The following ZNF616 variants were observed in gnomAD, a reference collection of about 807,000 sequenced individuals.
ZNF616 encodes zinc finger protein 616.
ZNF616 carries 5 observed loss-of-function variants against 7.6 expected under a neutral mutation model. That is an observed-to-expected ratio of 0.66 (90% CI 0.34 to 1.38). The LOEUF is 1.38. ZNF616 is among the 40% of genes most tolerant of loss of function. The pLI is 0.04. For synonymous variants in ZNF616, 319 were observed against 317.2 expected (o/e 1.01, Z -0.06); for missense variants, 913 against 948.3 (o/e 0.96, Z 0.49).
chr19:52,129,949 A>AT (rs1300176688), intron 2 of ZNF616, among the ~76,000 whole-genome samples: 7 of 151,964 alleles, frequency 4.6e-5, no homozygotes, highest in Non-Finnish European at 1.0e-4. Flanking sequence ...TGACTGGCTA[A>AT]TTTTTGTATT....
chr19:52,125,894 T>C (rs2088902701), intron 2 of ZNF616, among the ~76,000 whole-genome samples: 1 of 152,146 alleles, frequency 6.6e-6, no homozygotes, highest in Admixed American at 6.5e-5. Context: ...GTACCACAGA[T>C]ATCTGCAGTA....
At chr19:52,129,324 C>T (rs1028006979) in intron 2 of ZNF616, among the ~76,000 whole-genome samples, 7 of 151,932 alleles carry the variant, frequency 4.6e-5, no homozygotes, top group East Asian at 1.9e-4. Context: ...CTATCATCCT[C>T]GTGTTGTATT....
At chr19:52,123,286 G>C (rs759041796) in intron 3 of ZNF616, among the ~76,000 whole-genome samples, 1 of 152,112 alleles carries the variant, frequency 6.6e-6, no homozygotes, top group African/African-American at 2.4e-5. Flanking sequence ...AAAAATATAA[G>C]CTTTGGCCGG....
At chr19:52,125,223 A>G (rs1256605321) in intron 2 of ZNF616, among the ~76,000 whole-genome samples, 6 of 152,242 alleles carry the variant, frequency 3.9e-5, no homozygotes, top group African/African-American at 1.4e-4. Flanking sequence ...TCAAAAGTCT[A>G]TAGTCTACAG....
At position 52,113,722 on chromosome 19, in the gene ZNF616, C is replaced by T. The variant is rs2088790470; in HGVS notation, c.*1096G>A. 6.6e-6 allele frequency: 1 copy of T among 152,110 alleles called. No homozygotes were observed. Among genetic ancestry groups the T allele is most frequent in the Admixed American group, 6.6e-5 (1 of 15,260 alleles). 9.4% of individuals were successfully genotyped at this position (152,110 alleles called of 1,614,324 possible). On this transcript the variant is annotated 3_prime_UTR_variant, in exon 4 of 4. Transcript: ENST00000600228. Reference sequence around the variant, plus strand: ...GTGAGAACATGTGCTGTTTGATTTTCTGTTCCTGTGTTAGTTTCCTGAGGA... The same window carrying T: ...GTGAGAACATGTGCTGTTTGATTTTTTGTTCCTGTGTTAGTTTCCTGAGGA...
chr19:52,130,375 A>G (rs1415846159), intron 2 of ZNF616, 126 bp downstream of exon 2: 2 of 910,110 alleles, frequency 2.2e-6, no homozygotes, highest in Non-Finnish European at 3.7e-6. Flanking sequence ...GCATGAGCAA[A>G]TGTGTCAGGA....
In ZNF616 at chr19:52,115,837, C is replaced by G. The variant is rs760871028; in HGVS notation, c.1327G>C (p.Gly443Arg). Residue 443 changes from glycine (G) to arginine (R), a missense_variant, in exon 4 of 4, where the codon GGC becomes CGC. Physicochemically the swap from Gly to Arg is moderately radical, Grantham distance 125. Coordinates refer to ENST00000600228, the MANE Select transcript of ZNF616 (RefSeq NM_178523.5). ...GQKTYKCNKC[G>R]KVYSKHSHLA... The stretch of plus-strand genomic sequence containing the variant: ...TGTGAATGCTTACTGTACACCTTGC[C>G]ACATTTATTGCATTTGTAAGTTTTC... The G allele has an allele frequency of 1.9e-6, 3 of 1,608,442 alleles. No individual in the cohort carries two copies. Among genetic ancestry groups the G allele is most frequent in the South Asian group, 2.2e-5 (2 of 89,690 alleles).
At position 52,115,875 on chromosome 19, in the gene ZNF616, AT is replaced by A. The variant is rs2088816358; in HGVS notation, c.1288del (p.Ile430PhefsTer164). The A allele has an allele frequency of 1.2e-6, 2 of 1,614,092 alleles. No individual in the cohort carries two copies. The highest frequency in any genetic ancestry group is 1.7e-6 in the Non-Finnish European group (2 of 1,180,012). On this transcript the variant is annotated frameshift_variant, in exon 4 of 4. Coordinates refer to ENST00000600228, the MANE Select transcript of ZNF616 (RefSeq NM_178523.5). LOFTEE classifies it low-confidence loss of function (END_TRUNC). ...KRSSLAVHQR[I>X]HTGQKTYKCN... ...TTTGTAAGTTTTCTGTCCAGTATGA[AT>A]TCTCTGATGCACTGCAAGACTTGAA...
intron 3 of ZNF616, among the ~76,000 whole-genome samples, chr19:52,122,696 G>A (rs1444091819): frequency 6.1e-5 from 9 of 148,750 alleles, no homozygotes; most frequent in Non-Finnish European, 1.2e-4. Flanking sequence ...GTGCAGTGGC[G>A]CAATCTCTGC....
intron 2 of ZNF616, among the ~76,000 whole-genome samples, chr19:52,127,636 T>C (rs564097889): frequency 6.6e-5 from 10 of 152,334 alleles, no homozygotes; most frequent in African/African-American, 2.4e-4. Context: ...AGATCAGTTA[T>C]TTATTTTTGC....
chr19:52,129,758 A>G (rs952838118), intron 2 of ZNF616, among the ~76,000 whole-genome samples: 1 of 151,228 alleles, frequency 6.6e-6, no homozygotes. Context: ...AGGCAGAAAG[A>G]TCTCCCCTTA....
chr19:52,117,055 T>C lies in ZNF616; in HGVS notation c.140-31A>G, dbSNP rs761946809. The C allele has an allele frequency of 2.0e-6, 3 of 1,514,622 alleles. No individual in the cohort carries two copies. In the South Asian group the frequency reaches 4.1e-5, roughly 21 times the overall value. The allele number at this position is 1,514,622 out of a possible 1,614,324, so 93.8% of individuals were successfully genotyped here. On this transcript the variant is annotated intron_variant, in intron 3 of 3. Coordinates refer to ENST00000600228, the MANE Select transcript of ZNF616 (RefSeq NM_178523.5). ...AAATATAATGAACATGAGTTTTTTT[T>C]TAAACTACTACTATTGATAAACAAA... is the stretch of plus-strand genomic sequence containing the variant.
At chr19:52,122,880 C>T (rs576106732) in intron 3 of ZNF616, among the ~76,000 whole-genome samples, 13 of 152,144 alleles carry the variant, frequency 8.5e-5, no homozygotes, top group East Asian at 2.0e-4. Context: ...GTGATCCACC[C>T]GCCTCGGCCT....
chr19:52,124,442 C>T (rs1000259765), intron 2 of ZNF616, among the ~76,000 whole-genome samples: 3 of 152,230 alleles, frequency 2.0e-5, no homozygotes, highest in Non-Finnish European at 4.4e-5. Context: ...ATGACCAGAG[C>T]AACAGCAATG....
rs757858801 is a variant in ZNF616 at position 52,115,280 on chromosome 19, G to A, written c.1884C>T (p.Thr628=). 2.2e-5 allele frequency: 35 copies of A among 1,612,962 alleles called. No individual in the cohort carries two copies. The highest frequency in any genetic ancestry group is 6.7e-5 in the Admixed American group (4 of 59,940). The change falls in exon 4 of 4, where the codon ACC becomes ACT. Residue 628 remains threonine, a synonymous_variant. Coordinates refer to ENST00000600228, the MANE Select transcript of ZNF616 (RefSeq NM_178523.5). ...GATTGCATTTGTAAGGTTTCTCTCC[G>A]GTATGAATTCTCTGATGTCTATTGA... ...STLNRHQRIH[T]GEKPYKCNQC... is the part of the protein sequence containing the mutation.
rs749457056 is a variant in ZNF616, at chr19:52,116,270, T to A, written c.894A>T (p.Lys298Asn). 1 of 1,614,172 alleles carries A rather than the reference T, an allele frequency of 6.2e-7. No homozygotes were observed. Among genetic ancestry groups the A allele is most frequent in the Non-Finnish European group, 8.5e-7 (1 of 1,180,030 alleles). ...QRIHTGEKPY[K>N]CNLCGKSFSQ... ...TAAAGGATTTCCCACACAGATTACA[T>A]TTGTAAGGTTTTTCACCGGTATGAA... is the stretch of plus-strand genomic sequence containing the variant. Residue 298 changes from lysine to asparagine, a missense_variant, in exon 4 of 4, where the codon AAA becomes AAT. Lys to Asn is a moderately conservative substitution (Grantham distance 94). Transcript: ENST00000600228.
intron 1 of ZNF616, among the ~76,000 whole-genome samples, chr19:52,133,654 C>T (rs1218054830): frequency 8.5e-5 from 13 of 152,068 alleles, no homozygotes. Flanking sequence ...GCTGGGACTA[C>T]AGGCATGTGC....
Position 52,116,760 on chromosome 19 carries a change from T to C in ZNF616, c.404A>G (p.His135Arg). ...GTTTGATGTAAGCTGGTTTTCAATA[T>C]GATTGTTTTCTACATCCCCTTGACT... The part of the protein sequence containing the change: ...QHSQGDVENN[H>R]IENQLTSNFE... Residue 135 changes from histidine (H) to arginine (R), a missense_variant, in exon 4 of 4, where the codon CAT (histidine) becomes CGT (arginine). Coordinates refer to ENST00000600228, the MANE Select transcript of ZNF616 (RefSeq NM_178523.5). The C allele has an allele frequency of 6.2e-7, 1 of 1,614,186 alleles. No homozygotes were observed. The highest frequency in any genetic ancestry group is 8.5e-7 in the Non-Finnish European group (1 of 1,180,030).
chr19:52,115,972 C>T lies in ZNF616; in HGVS notation c.1192G>A (p.Val398Met). The stretch of plus-strand genomic sequence containing the variant: ...TCTACAGTGTGAATTCGTCGATGCA[C>T]TGCAAGACTTGAACGTTTACTGAAG... Reference protein sequence around the residue: ...KVFSKRSSLAVHRRIHTVEKP... With the variant: ...KVFSKRSSLAMHRRIHTVEKP... Residue 398 changes from valine (V) to methionine (M), a missense_variant, in exon 4 of 4, where the codon GTG (valine) becomes ATG (methionine). Transcript: ENST00000600228. 6.2e-7 allele frequency: 1 copy of T among 1,614,048 alleles called. No homozygotes were observed. Among genetic ancestry groups the T allele is most frequent in the Non-Finnish European group, 8.5e-7 (1 of 1,179,994 alleles).
Sources: gnomAD v4.1 joint callset for allele counts (sites outside exome capture counted in the v4.1 genomes callset) on GRCh38, gnomAD v4.1.1 for gene constraint, MANE v1.5 for transcripts, NCBI Gene and HGNC (gene_info 2026-07-23, HGNC 2026-07-21) for gene names.